Variants in LARGE1 observed in about 807,000 individuals in gnomAD.
LARGE1 encodes the protein LARGE xylosyl- and glucuronyltransferase 1.
LARGE1 carries 43 observed loss-of-function variants against 87.6 expected under a neutral mutation model. The observed-to-expected ratio is 0.49, with a 90% CI of 0.38 to 0.63. The LOEUF (loss-of-function observed/expected upper bound fraction) is 0.63. LARGE1 is among the 30% of genes least tolerant of loss of function. The pLI is 0.00. For synonymous variants in LARGE1, 434 were observed against 394.6 expected, an observed-to-expected ratio of 1.10 and a Z score of -1.18; for missense variants, 802 against 1,000.2, an observed-to-expected ratio of 0.80 and a Z score of 2.67.
At chr22:33,331,478 G>A (rs184010061) in intron 10 of LARGE1, among the ~76,000 whole-genome samples, 1 of 149,520 alleles carries the variant, frequency 6.7e-6, no homozygotes, top group East Asian at 2.0e-4. Context: ...CATGATTTCG[G>A]CTCACTGCAT....
chr22:33,304,392 G>T lies in LARGE1; in HGVS notation c.1567C>A (p.Leu523Ile). 2 of 1,614,280 alleles carry T rather than the reference G, an allele frequency of 1.2e-6. No homozygotes were observed. The highest frequency in any genetic ancestry group is 2.2e-5 in the South Asian group (2 of 91,088). ...FLRYAQGSEV[L>I]MSRHNVGYHI... ...TAGCCCACGTTGTGGCGGCTCATAA[G>T]CACCTCAGAGCCCTGTGCGTAGCGG... The change falls in exon 12 of 15, where the codon CTT becomes ATT. Residue 523 changes from leucine to isoleucine, a missense_variant. Physicochemically the swap from Leu to Ile is conservative, Grantham distance 5 (BLOSUM62 2). Coordinates refer to ENST00000397394, the MANE Select transcript of LARGE1 (RefSeq NM_133642.5).
At chr22:33,759,388 C>T (rs1212529276) in intron 2 of LARGE1, among the ~76,000 whole-genome samples, 1 of 152,168 alleles carries the variant, frequency 6.6e-6, no homozygotes, top group Non-Finnish European at 1.5e-5. Flanking sequence ...ACAACTCAAG[C>T]TCTTGAGTCC....
the LARGE1 span, among the ~76,000 whole-genome samples, chr22:33,100,349 CAAA>C: frequency 1.7e-3 from 108 of 65,312 alleles, 2 homozygotes; most frequent in East Asian, 0.032. Flanking sequence ...GACTCCATCT[CAAA>C]AAAAAAAAAA....
intron 12 of LARGE1, among the ~76,000 whole-genome samples, chr22:33,293,071 T>C (rs1360573837): frequency 6.6e-6 from 1 of 152,188 alleles, no homozygotes; most frequent in Non-Finnish European, 1.5e-5. Context: ...TACTCCTCTC[T>C]GTGTGCAGAG....
intron 11 of LARGE1, among the ~76,000 whole-genome samples, chr22:33,246,976 A>C (rs1926789298): frequency 6.6e-6 from 1 of 152,128 alleles, no homozygotes; most frequent in South Asian, 2.1e-4. Context: ...AGCCAACAAT[A>C]TGTCTCACAA....
At chr22:33,749,088 A>G (rs777379112) in intron 2 of LARGE1, among the ~76,000 whole-genome samples, 4 of 152,268 alleles carry the variant, frequency 2.6e-5, no homozygotes, top group Admixed American at 6.5e-5. Flanking sequence ...TTTAGTCTTT[A>G]TAACAGCGGT....
chr22:33,660,384 T>C (rs1474034161), intron 2 of LARGE1, among the ~76,000 whole-genome samples: 1 of 152,232 alleles, frequency 6.6e-6, no homozygotes, highest in Non-Finnish European at 1.5e-5. Flanking sequence ...TAGAAAACCG[T>C]CATTGGAGGG....
chr22:33,739,203 G>A (rs1187591296), intron 2 of LARGE1, among the ~76,000 whole-genome samples: 3 of 152,040 alleles, frequency 2.0e-5, no homozygotes, highest in Non-Finnish European at 4.4e-5. Flanking sequence ...GAAACTTGAT[G>A]GGCGCTGAGT....
chr22:33,170,218 A>C (rs897600443), intron 11 of LARGE1, among the ~76,000 whole-genome samples: 1 of 151,870 alleles, frequency 6.6e-6, no homozygotes. Flanking sequence ...AAAATACAAA[A>C]ATTAGTCAGG....
chr22:33,593,323 G>A (rs893300124), intron 5 of LARGE1, among the ~76,000 whole-genome samples: 2 of 152,120 alleles, frequency 1.3e-5, no homozygotes, highest in Non-Finnish European at 2.9e-5. Flanking sequence ...GATTACAGGC[G>A]TGAGCCACTG....
chr22:33,561,003 A>C (rs1226894851), intron 6 of LARGE1, among the ~76,000 whole-genome samples: 1 of 152,078 alleles, frequency 6.6e-6, no homozygotes, highest in East Asian at 1.9e-4. Context: ...TTTAGTAGAA[A>C]TGGGGTTTCA....
rs1601619749 is a variant in LARGE1, at chr22:33,373,322, T to G, written c.1131+8597A>C. 2.0e-5 allele frequency among the ~76,000 whole-genome samples: 3 copies of G among 152,210 alleles called. No individual in the cohort carries two copies. The South Asian group carries it at 6.2e-4, about 32-fold the overall frequency. Reference sequence around the variant, plus strand: ...ACCATAAGAGATCATAATTTTTAATTCTGAAATCTGTTTAACTGCCATCTT... The same window carrying G: ...ACCATAAGAGATCATAATTTTTAATGCTGAAATCTGTTTAACTGCCATCTT... On this transcript the variant is annotated intron_variant, in intron 9 of 14. Transcript: ENST00000397394.
intron 7 of LARGE1, among the ~76,000 whole-genome samples, chr22:33,403,050 A>G (rs2065976407): frequency 7.3e-6 from 1 of 137,516 alleles, no homozygotes; most frequent in East Asian, 2.0e-4. Context: ...GCTGTAAAAA[A>G]CAAAACAAAC....
Position 33,316,322 on chromosome 22 carries a change from C to T in LARGE1, c.1288-74G>A, listed in dbSNP as rs1210303076. 6 of 1,445,354 alleles carry T rather than the reference C, an allele frequency of 4.2e-6. No individual in the cohort carries two copies. In the Admixed American group the frequency reaches 9.2e-5, roughly 22 times the overall value. 89.5% of individuals were successfully genotyped at this position (1,445,354 alleles called of 1,614,324 possible). A position where few individuals can be genotyped will look rare whatever the true frequency, so the allele number is the denominator to read the frequency against. On this transcript the variant is annotated intron_variant, in intron 10 of 14. Transcript: ENST00000397394. ...GGGCCCATGAGCTTGCCCCTTGAGC[C>T]CTGCCCTCCCCTGAGTTTATTACCC...
At chr22:33,423,334 T>G (rs1243499686) in intron 7 of LARGE1, among the ~76,000 whole-genome samples, 3 of 152,004 alleles carry the variant, frequency 2.0e-5, no homozygotes, top group Non-Finnish European at 4.4e-5. Context: ...TTTTATTTTA[T>G]TTACTCTTTA....
intron 1 of LARGE1, among the ~76,000 whole-genome samples, chr22:33,880,026 C>T (rs191500644): frequency 7.9e-5 from 12 of 152,332 alleles, no homozygotes; most frequent in African/African-American, 1.9e-4. Flanking sequence ...AATCTGCTTG[C>T]ATGGAGAGAG....
At chr22:33,324,541 T>C (rs1466868235) in intron 10 of LARGE1, among the ~76,000 whole-genome samples, 2 of 152,170 alleles carry the variant, frequency 1.3e-5, no homozygotes, top group African/African-American at 2.4e-5. Context: ...ACTGCTTCTT[T>C]GGGCAGCCAG....
intron 11 of LARGE1, among the ~76,000 whole-genome samples, chr22:33,202,207 T>G (rs1924434272): frequency 6.6e-6 from 1 of 151,982 alleles, no homozygotes; most frequent in African/African-American, 2.4e-5. Context: ...ACTGGGACAC[T>G]AGAACAGAGA....
the LARGE1 span, among the ~76,000 whole-genome samples, chr22:33,086,489 T>C: frequency 3.9e-5 from 6 of 152,048 alleles, no homozygotes; most frequent in Non-Finnish European, 7.4e-5. Flanking sequence ...CCTTTGATAT[T>C]GTTAGAAAAG....
Sources: allele counts gnomAD v4.1 joint callset (sites outside exome capture counted in the v4.1 genomes callset), GRCh38; gene constraint gnomAD v4.1.1; transcripts MANE v1.5; gene names NCBI Gene and HGNC (gene_info 2026-07-23, HGNC 2026-07-21).